Variants in KCNJ3 observed in about 807,000 individuals in gnomAD.
The protein encoded by KCNJ3 is potassium inwardly rectifying channel subfamily J member 3.
A neutral mutation model predicts 39.2 loss-of-function variants in KCNJ3; 4 were observed. The observed-to-expected ratio is 0.10, with a 90% CI of 0.05 to 0.23. KCNJ3 has a LOEUF of 0.23. Ranked by LOEUF, KCNJ3 falls within the 10% of genes least tolerant of loss-of-function variation. The pLI is 1.00. For synonymous variants in KCNJ3, 230 were observed against 237.4 expected (o/e 0.97, Z 0.29); for missense variants, 276 against 634.9 (o/e 0.43, Z 6.08).
At chr2:154,804,538 A>G (rs566249904) in intron 2 of KCNJ3, among the ~76,000 whole-genome samples, 1 of 152,272 alleles carries the variant, frequency 6.6e-6, no homozygotes, top group Non-Finnish European at 1.5e-5. Flanking sequence ...GAAGCCATCT[A>G]CTGTATTCCT....
intron 2 of KCNJ3, among the ~76,000 whole-genome samples, chr2:154,813,546 C>T (rs1000100297): frequency 2.6e-5 from 4 of 151,968 alleles, no homozygotes; most frequent in Non-Finnish European, 5.9e-5. Context: ...TCTGGTAGAA[C>T]ATAGGTTTAG....
At chr2:154,793,754 C>T (rs1381079435) in intron 2 of KCNJ3, among the ~76,000 whole-genome samples, 5 of 151,890 alleles carry the variant, frequency 3.3e-5, no homozygotes, top group East Asian at 3.9e-4. Flanking sequence ...AATGACTAAC[C>T]GTTAATATGT....
intron 2 of KCNJ3, among the ~76,000 whole-genome samples, chr2:154,807,007 G>C (rs903937790): frequency 1.1e-4 from 16 of 152,084 alleles, no homozygotes; most frequent in Admixed American, 2.0e-4. Flanking sequence ...TGACATAAAT[G>C]CCTCTGTTTC....
In KCNJ3 at chr2:154,855,422, C is replaced by G. The variant is rs569891713; in HGVS notation, c.*109C>G. Reference sequence around the variant, plus strand: ...CTGAAAGTATATTTTCCTCCCAGTTCTACAAGCATATTTGAGAACCCTTCC... The same window carrying G: ...CTGAAAGTATATTTTCCTCCCAGTTGTACAAGCATATTTGAGAACCCTTCC... On this transcript the variant is annotated 3_prime_UTR_variant, in exon 3 of 3. Transcript: ENST00000295101. The G allele has an allele frequency of 6.5e-6, 5 of 771,052 alleles. No homozygotes were observed. The South Asian group carries it at 9.9e-5, about 15-fold the overall frequency. 47.8% of individuals were successfully genotyped at this position (771,052 alleles called of 1,614,324 possible). A position where few individuals can be genotyped will look rare whatever the true frequency, so the allele number is the denominator to read the frequency against.
At chr2:154,724,940 T>TATATATATATATATA in intron 2 of KCNJ3, among the ~76,000 whole-genome samples, 1 of 147,500 alleles carries the variant, frequency 6.8e-6, no homozygotes, top group Admixed American at 6.8e-5. Flanking sequence ...TATATATACC[T>TATATATATATATATA]TTGATGCAGA....
chr2:154,839,398 T>C (rs1687535519), intron 2 of KCNJ3, among the ~76,000 whole-genome samples: 1 of 152,074 alleles, frequency 6.6e-6, no homozygotes, highest in African/African-American at 2.4e-5. Context: ...TAAACATATG[T>C]GTGTGTGTGT....
chr2:154,731,512 C>T (rs1251586962), intron 2 of KCNJ3, among the ~76,000 whole-genome samples: 2 of 151,684 alleles, frequency 1.3e-5, no homozygotes, highest in Non-Finnish European at 2.9e-5. Flanking sequence ...AAGTTATGTA[C>T]ATATTTGAGT....
At chr2:154,825,754 C>A (rs1197193552) in intron 2 of KCNJ3, among the ~76,000 whole-genome samples, 1 of 149,230 alleles carries the variant, frequency 6.7e-6, no homozygotes. Flanking sequence ...TTTTTTTTAA[C>A]TTTTGTAGAG....
intron 2 of KCNJ3, among the ~76,000 whole-genome samples, chr2:154,814,050 T>G (rs1376013249): frequency 1.3e-5 from 2 of 152,230 alleles, no homozygotes; most frequent in East Asian, 3.9e-4. Flanking sequence ...CAACAATGTC[T>G]TAAATTCTAG....
intron 1 of KCNJ3, among the ~76,000 whole-genome samples, chr2:154,708,962 G>A (rs1685058540): frequency 6.6e-6 from 1 of 152,150 alleles, no homozygotes; most frequent in African/African-American, 2.4e-5. Flanking sequence ...TTATAATGCA[G>A]TTTATTATTA....
intron 2 of KCNJ3, among the ~76,000 whole-genome samples, chr2:154,733,030 A>C (rs986812751): frequency 2.0e-5 from 3 of 152,140 alleles, no homozygotes; most frequent in African/African-American, 7.2e-5. Context: ...TGGTTAACCT[A>C]TTTGTATGTA....
intron 2 of KCNJ3, among the ~76,000 whole-genome samples, chr2:154,821,676 C>G (rs1357689201): frequency 8.3e-6 from 1 of 120,628 alleles, no homozygotes; most frequent in Non-Finnish European, 1.6e-5. Flanking sequence ...GAGTCTCACT[C>G]TGTCGTCCAG....
chr2:154,722,261 AGTCTAAGG>A (rs1462252208), intron 2 of KCNJ3, among the ~76,000 whole-genome samples: 1 of 152,182 alleles, frequency 6.6e-6, no homozygotes, highest in Non-Finnish European at 1.5e-5. Context: ...TGAATAAGAA[AGTCTAAGG>A]GTCTCAGCCA....
intron 2 of KCNJ3, among the ~76,000 whole-genome samples, chr2:154,788,789 G>A (rs536965262): frequency 1.3e-5 from 2 of 149,854 alleles, no homozygotes; most frequent in Non-Finnish European, 1.5e-5. Flanking sequence ...TTTTTAAAAA[G>A]AAACTCAGGT....
At chr2:154,790,912 G>T (rs1429037652) in intron 2 of KCNJ3, among the ~76,000 whole-genome samples, 1 of 152,058 alleles carries the variant, frequency 6.6e-6, no homozygotes, top group Non-Finnish European at 1.5e-5. Flanking sequence ...AGTGATCTTT[G>T]AGTAAGTCAG....
chr2:154,793,917 C>A (rs1026814785), intron 2 of KCNJ3, among the ~76,000 whole-genome samples: 1 of 151,906 alleles, frequency 6.6e-6, no homozygotes, highest in African/African-American at 2.4e-5. Context: ...ACTGTAGATT[C>A]TGAGCCCAAA....
chr2:154,821,984 A>C (rs991331035), intron 2 of KCNJ3, among the ~76,000 whole-genome samples: 1 of 151,968 alleles, frequency 6.6e-6, no homozygotes, highest in African/African-American at 2.4e-5. Flanking sequence ...TGTTGACAGC[A>C]GAACTACACC....
At chr2:154,808,155 A>C (rs1686947100) in intron 2 of KCNJ3, among the ~76,000 whole-genome samples, 2 of 147,488 alleles carry the variant, frequency 1.4e-5, no homozygotes, top group African/African-American at 2.5e-5. Context: ...ATCTCGGTTT[A>C]TTTCAACCTC....
At chr2:154,786,776 C>T (rs1686537304) in intron 2 of KCNJ3, among the ~76,000 whole-genome samples, 1 of 151,990 alleles carries the variant, frequency 6.6e-6, no homozygotes, top group African/African-American at 2.4e-5. Flanking sequence ...AGAAAAAATA[C>T]ATTTCCCTTT....
Sources: gnomAD v4.1 joint callset for allele counts (sites outside exome capture counted in the v4.1 genomes callset) on GRCh38, gnomAD v4.1.1 for gene constraint, MANE v1.5 for transcripts, NCBI Gene and HGNC (gene_info 2026-07-23, HGNC 2026-07-21) for gene names.